HGD: variants seen among roughly 807,000 people sequenced by gnomAD.
The protein encoded by HGD is homogentisate 1,2-dioxygenase.
Under a neutral mutation model 60.8 loss-of-function variants are expected in HGD, and 61 were observed. That is an observed-to-expected ratio of 1.00 (90% CI 0.82 to 1.24). The LOEUF is 1.24. Among genes scored for constraint, HGD ranks in the 50% most tolerant of loss-of-function variants. The pLI is 0.00. For synonymous variants in HGD, 212 were observed against 187.7 expected (o/e 1.13, Z -1.06); for missense variants, 542 against 547.1 (o/e 0.99, Z 0.09).
intron 6 of HGD, among the ~76,000 whole-genome samples, chr3:120,648,867 A>C (rs1941244836): frequency 6.6e-6 from 1 of 152,232 alleles, no homozygotes; most frequent in African/African-American, 2.4e-5. Flanking sequence ...TATTTTTGTC[A>C]ACAATAATTT....
intron 4 of HGD, among the ~76,000 whole-genome samples, chr3:120,669,449 A>G (rs1267893377): frequency 2.7e-3 from 141 of 51,970 alleles, no homozygotes; most frequent in African/African-American, 0.013. Context: ...GCGCATGTGC[A>G]CACACACACA....
At chr3:120,679,067 T>C (rs1401488293) in intron 1 of HGD, among the ~76,000 whole-genome samples, 2 of 152,272 alleles carry the variant, frequency 1.3e-5, no homozygotes, top group African/African-American at 4.8e-5. Context: ...ATTTCATTTC[T>C]TTTCGAGAGA....
In HGD at chr3:120,646,965, T is replaced by A; in HGVS notation, c.549+8A>T. On this transcript the variant is annotated splice_region_variant and intron_variant, in intron 8 of 13. Coordinates refer to ENST00000283871, the MANE Select transcript of HGD (RefSeq NM_000187.4). ...GAGGCAGGGAAGAGAAGGGGACACA[T>A]CACCAACCTGAATGACGCAGATCTC... 6.2e-7 allele frequency: 1 copy of A among 1,610,960 alleles called. No individual in the cohort carries two copies. The highest frequency in any genetic ancestry group is 8.5e-7 in the Non-Finnish European group (1 of 1,177,132).
chr3:120,646,427 C>T, intron 8 of HGD, 61 bp from the exon 9 acceptor site: 1 of 1,071,722 alleles, frequency 9.3e-7, no homozygotes, highest in Non-Finnish European at 1.5e-6. Flanking sequence ...TATAAAGAAG[C>T]TGCCCAGAGC....
chr3:120,670,678 C>T (rs751468527), intron 3 of HGD, 146 bp from the exon 4 acceptor site: 341 of 698,352 alleles, frequency 4.9e-4, no homozygotes, highest in Non-Finnish European at 8.4e-4. Flanking sequence ...AGCAATGATA[C>T]AGCATCACTT....
chr3:120,632,094 A>G (rs1327835694), intron 13 of HGD, among the ~76,000 whole-genome samples: 2 of 152,184 alleles, frequency 1.3e-5, no homozygotes, highest in African/African-American at 4.8e-5. Flanking sequence ...AACTCCATAG[A>G]GGCCCTTGAA....
At chr3:120,645,284 G>A (rs1366876342) in intron 9 of HGD, among the ~76,000 whole-genome samples, 5 of 152,176 alleles carry the variant, frequency 3.3e-5, no homozygotes, top group Admixed American at 2.0e-4. Context: ...GGCCCACCAC[G>A]GCTCCAGCTG....
rs574538944 is a variant in HGD at position 120,675,302 on chromosome 3, T to G, written c.88-313A>C. Among the ~76,000 whole-genome samples, 3 of 152,048 alleles carry G rather than the reference T, an allele frequency of 2.0e-5. No individual in the cohort carries two copies. The East Asian group carries it at 5.8e-4, about 29-fold the overall frequency. On this transcript the variant is annotated intron_variant, in intron 2 of 13. Transcript: ENST00000283871. ...CAAAATTGTGACCCTATCATACCTG[T>G]AACCCTGTAATAATCAGGCATTTTT...
intron 13 of HGD, among the ~76,000 whole-genome samples, chr3:120,629,303 A>G (rs1038041681): frequency 3.3e-5 from 5 of 152,218 alleles, no homozygotes; most frequent in African/African-American, 1.2e-4. Flanking sequence ...AAACCCTACA[A>G]TTCTTATATG....
At chr3:120,672,272 A>T (rs1028061022) in intron 3 of HGD, among the ~76,000 whole-genome samples, 1 of 152,094 alleles carries the variant, frequency 6.6e-6, no homozygotes, top group Non-Finnish European at 1.5e-5. Flanking sequence ...TGTCCTCTCT[A>T]CCAGGACCAG....
chr3:120,659,424 G>A (rs1426203763), intron 4 of HGD, among the ~76,000 whole-genome samples: 1 of 152,174 alleles, frequency 6.6e-6, no homozygotes, highest in Non-Finnish European at 1.5e-5. Context: ...CAGATCCCTA[G>A]GGCAGGAGCA....
chr3:120,655,425 T>C (rs1415419810), intron 4 of HGD, among the ~76,000 whole-genome samples: 1 of 152,016 alleles, frequency 6.6e-6, no homozygotes, highest in African/African-American at 2.4e-5. Flanking sequence ...ATGACAGAGA[T>C]AGTATAGGGA....
At chr3:120,666,768 TC>T (rs929887966) in intron 4 of HGD, among the ~76,000 whole-genome samples, 1 of 152,080 alleles carries the variant, frequency 6.6e-6, no homozygotes, top group Admixed American at 6.6e-5. Flanking sequence ...TGCCTTGGCC[TC>T]CCAAAGTGCT....
intron 4 of HGD, among the ~76,000 whole-genome samples, chr3:120,668,774 T>G (rs1707958675): frequency 6.6e-6 from 1 of 152,136 alleles, no homozygotes; most frequent in Non-Finnish European, 1.5e-5. Flanking sequence ...ATTTTACAAT[T>G]GAAACATCAT....
rs1707995993 is a variant in HGD, at chr3:120,670,305, A to G, written c.282+122T>C. ...GAGCAGAAAACAGACACACTTTAGC[A>G]TTTATTAAAATAATACTTTAAAAAA... is the stretch of plus-strand genomic sequence containing the variant. On this transcript the variant is annotated intron_variant, in intron 4 of 13. Transcript: ENST00000283871. 4.2e-6 allele frequency: 3 copies of G among 713,726 alleles called. No homozygotes were observed. In the Admixed American group the frequency reaches 6.0e-5, roughly 14 times the overall value. 44.2% of individuals were successfully genotyped at this position (713,726 alleles called of 1,614,324 possible).
At chr3:120,648,563 C>T (rs1227294761) in intron 6 of HGD, among the ~76,000 whole-genome samples, 1 of 152,232 alleles carries the variant, frequency 6.6e-6, no homozygotes. Flanking sequence ...ATGCCATTTG[C>T]ATACTTTGTT....
intron 4 of HGD, among the ~76,000 whole-genome samples, chr3:120,657,307 T>A (rs1387382386): frequency 6.6e-6 from 1 of 152,248 alleles, no homozygotes; most frequent in Non-Finnish European, 1.5e-5. Flanking sequence ...GGTATCAACA[T>A]TTGATTATCA....
In HGD at chr3:120,672,082, C is replaced by G. The variant is rs140391812; in HGVS notation, c.177-1550G>C. 3.8e-3 allele frequency among the ~76,000 whole-genome samples: 580 copies of G among 152,212 alleles called. 5 individuals carry two copies. Among genetic ancestry groups the G allele is most frequent in the African/African-American group, 0.013 (544 of 41,532 alleles). On this transcript the variant is annotated intron_variant, in intron 3 of 13. Coordinates refer to ENST00000283871, the MANE Select transcript of HGD (RefSeq NM_000187.4). The stretch of plus-strand genomic sequence containing the variant: ...ATAGGTTGATAAGTGCAGCAAACCA[C>G]CATGGCACACATTTACCTATGTAAC...
chr3:120,679,955 T>C (rs1422682564), intron 1 of HGD, among the ~76,000 whole-genome samples: 1 of 152,128 alleles, frequency 6.6e-6, no homozygotes, highest in Non-Finnish European at 1.5e-5. Flanking sequence ...CAAGAGGAAA[T>C]CAGTTACGTA....
Sources: gnomAD v4.1 joint callset for allele counts (sites outside exome capture counted in the v4.1 genomes callset) on GRCh38, gnomAD v4.1.1 for gene constraint, MANE v1.5 for transcripts, NCBI Gene and HGNC (gene_info 2026-07-23, HGNC 2026-07-21) for gene names.